The following AKAP13 variants were observed in gnomAD, a reference collection of about 807,000 sequenced individuals.
AKAP13 encodes the protein A-kinase anchoring protein 13, also known as A-kinase anchor protein 13.
AKAP13 carries 80 observed loss-of-function variants against 264.5 expected under a neutral mutation model. The observed-to-expected ratio is 0.30, with a 90% CI of 0.25 to 0.36. AKAP13 has a LOEUF of 0.36. Among genes scored for constraint, AKAP13 ranks in the 10% least tolerant of loss-of-function variants. The probability of loss-of-function intolerance (pLI) is 1.00; values close to 1 mark genes in which losing one functional copy is unlikely to be tolerated. For missense variants in AKAP13, 3,712 were observed against 3,435.2 expected (o/e 1.08, Z -2.01); for synonymous variants, 1,380 against 1,250.2 (o/e 1.10, Z -2.19).
intron 4 of AKAP13, among the ~76,000 whole-genome samples, chr15:85,542,714 G>A (rs927014576): frequency 6.6e-6 from 1 of 152,190 alleles, no homozygotes; most frequent in Admixed American, 6.5e-5. Context: ...GTCATCCTAG[G>A]TTGGGCACTG....
At chr15:85,488,721 C>T (rs1022950352) in intron 2 of AKAP13, among the ~76,000 whole-genome samples, 4 of 152,152 alleles carry the variant, frequency 2.6e-5, no homozygotes, top group African/African-American at 4.8e-5. Context: ...CCATGAGCTA[C>T]GGAATGCAGC....
At chr15:85,380,913 G>A (rs1306131635) in intron 1 of AKAP13, 115 bp downstream of exon 1, 1 of 152,096 alleles carries the variant, frequency 6.6e-6, no homozygotes. Flanking sequence ...CGGAGGAGGG[G>A]CGGGGGCTGC....
At chr15:85,695,019 C>A (rs1233513471) in intron 17 of AKAP13, among the ~76,000 whole-genome samples, 2 of 151,986 alleles carry the variant, frequency 1.3e-5, no homozygotes, top group Admixed American at 6.5e-5. Flanking sequence ...TCTTGACCTC[C>A]TGACATCAAG....
chr15:85,694,843 A>G lies in AKAP13; in HGVS notation c.5464+1392A>G, dbSNP rs976818364. ...ATTCAGATGTTATAGTGACGAATTC[A>G]GATGTCAAGGAGCAACTCTCAGACC... On this transcript the variant is annotated intron_variant, in intron 17 of 36. Transcript: ENST00000394518. Among the ~76,000 whole-genome samples, 26 of 152,362 alleles carry G rather than the reference A, an allele frequency of 1.7e-4. 2 individuals are homozygous for G. In the South Asian group the frequency reaches 3.7e-3, roughly 22 times the overall value.
chr15:85,680,629 C>T (rs1005085575), intron 14 of AKAP13, among the ~76,000 whole-genome samples: 15 of 152,092 alleles, frequency 9.9e-5, no homozygotes, highest in East Asian at 3.8e-4. Flanking sequence ...CTTTGGGAAG[C>T]GGAGACAGGA....
chr15:85,598,989 C>T (rs1369342203), intron 8 of AKAP13, among the ~76,000 whole-genome samples: 1 of 152,172 alleles, frequency 6.6e-6, no homozygotes, highest in Non-Finnish European at 1.5e-5. Context: ...TCCCTATTAC[C>T]CTCGTAGTCA....
chr15:85,614,466 A>G (rs761591050), intron 8 of AKAP13, among the ~76,000 whole-genome samples: 23 of 152,228 alleles, frequency 1.5e-4, no homozygotes, highest in Non-Finnish European at 3.4e-4. Flanking sequence ...TGGAATGTCA[A>G]ATATTGAAAT....
chr15:85,743,388 G>A, intron 35 of AKAP13, 104 bp from the exon 36 acceptor site: 2 of 1,273,314 alleles, frequency 1.6e-6, no homozygotes, highest in South Asian at 1.4e-5. Flanking sequence ...AGGTGGGTAA[G>A]TACCCAGCCA....
chr15:85,696,965 G>C lies in AKAP13; in HGVS notation c.5464+3514G>C, dbSNP rs578058972. ...AACCTTACAGTCTCCCCAGGTCCCT[G>C]AGTGAGAATTGATGAATCTGGAGTC... On this transcript the variant is annotated intron_variant, in intron 17 of 36. Transcript: ENST00000394518. 2.6e-5 allele frequency among the ~76,000 whole-genome samples: 4 copies of C among 152,328 alleles called. No individual in the cohort carries two copies. The South Asian group carries it at 8.3e-4, about 32-fold the overall frequency.
intron 30 of AKAP13, among the ~76,000 whole-genome samples, chr15:85,731,889 C>T (rs2088065745): frequency 1.3e-5 from 2 of 152,018 alleles, no homozygotes; most frequent in Admixed American, 6.6e-5. Flanking sequence ...TCAAGACCAG[C>T]GTGGCCCACA....
intron 17 of AKAP13, among the ~76,000 whole-genome samples, chr15:85,706,168 G>A (rs530361695): frequency 6.6e-6 from 1 of 152,240 alleles, no homozygotes; most frequent in Admixed American, 6.5e-5. Flanking sequence ...TCAAGTCTGT[G>A]CATGGGAAGG....
intron 1 of AKAP13, among the ~76,000 whole-genome samples, chr15:85,473,063 A>G (rs1428624936): frequency 6.6e-6 from 1 of 152,256 alleles, no homozygotes; most frequent in African/African-American, 2.4e-5. Flanking sequence ...TCACTGTTGT[A>G]ACAGAATGAC....
At chr15:85,729,449 A>G (rs2087832835) in intron 29 of AKAP13, among the ~76,000 whole-genome samples, 1 of 152,174 alleles carries the variant, frequency 6.6e-6, no homozygotes. Context: ...GGGAGGAGGT[A>G]GTGGGCTGGA....
intron 8 of AKAP13, 125 bp from the exon 9 acceptor site, chr15:85,639,248 TA>T (rs2082198509): frequency 1.5e-6 from 1 of 651,478 alleles, no homozygotes; most frequent in Non-Finnish European, 2.6e-6. Context: ...TCCCTTGACA[TA>T]AGTTTGCTCA....
intron 1 of AKAP13, among the ~76,000 whole-genome samples, chr15:85,482,443 A>G (rs1356275217): frequency 5.3e-5 from 8 of 152,142 alleles, no homozygotes; most frequent in East Asian, 3.8e-4. Context: ...TTCTGTGCCT[A>G]CAGAGTCTTG....
chr15:85,527,040 C>T (rs570835856), intron 3 of AKAP13, among the ~76,000 whole-genome samples: 6 of 151,662 alleles, frequency 4.0e-5, no homozygotes, highest in Admixed American at 1.3e-4. Context: ...CTGCAAGCTC[C>T]GCCTCCTGGG....
intron 1 of AKAP13, among the ~76,000 whole-genome samples, chr15:85,442,540 T>TTA (rs890168185): frequency 5.3e-5 from 7 of 130,924 alleles, no homozygotes; most frequent in African/African-American, 1.2e-4. Context: ...ATAATATATA[T>TTA]TATATATATA....
chr15:85,381,284 T>G (rs933711034), intron 1 of AKAP13, among the ~76,000 whole-genome samples: 1 of 151,736 alleles, frequency 6.6e-6, no homozygotes, highest in Non-Finnish European at 1.5e-5. Flanking sequence ...AGGGAGCGGC[T>G]CCCCGGGGTC....
chr15:85,721,896 C>T, intron 23 of AKAP13, 95 bp from the exon 24 acceptor site: 1 of 1,552,992 alleles, frequency 6.4e-7, no homozygotes, highest in Non-Finnish European at 8.7e-7. Flanking sequence ...TGAGGAAGCG[C>T]TCTTGACTTT....
Sources: allele counts gnomAD v4.1 joint callset (sites outside exome capture counted in the v4.1 genomes callset), GRCh38; gene constraint gnomAD v4.1.1; transcripts MANE v1.5; gene names NCBI Gene and HGNC (gene_info 2026-07-23, HGNC 2026-07-21).